The following PGCKA1 variants were observed in gnomAD, a reference collection of about 807,000 sequenced individuals.
PGCKA1 encodes PDCD10 and GCKIII kinases-associated protein 1.
At chr4:37,554,505 G>A in the PGCKA1 span, among the ~76,000 whole-genome samples, 9 of 152,106 alleles carry the variant, frequency 5.9e-5, no homozygotes, top group Middle Eastern at 3.4e-3. Flanking sequence ...GTGCCACCAC[G>A]CCTGGCTAAT....
chr4:37,544,270 G>T, the PGCKA1 span, among the ~76,000 whole-genome samples: 118 of 152,180 alleles, frequency 7.8e-4, 1 homozygote, highest in South Asian at 4.6e-3. Flanking sequence ...GAGGCTACTG[G>T]ATCTTTACTT....
At chr4:37,583,954 A>T in the PGCKA1 span, among the ~76,000 whole-genome samples, 50 of 152,350 alleles carry the variant, frequency 3.3e-4, no homozygotes, top group Admixed American at 9.1e-4. Context: ...GGCAAGGAAG[A>T]CAGCTGATAG....
At chr4:37,456,003 TAC>T in the PGCKA1 span, among the ~76,000 whole-genome samples, 1 of 152,378 alleles carries the variant, frequency 6.6e-6, no homozygotes, top group Admixed American at 6.5e-5. Flanking sequence ...TGGGATCTTT[TAC>T]AGTCTTGGTT....
the PGCKA1 span, among the ~76,000 whole-genome samples, chr4:37,567,944 G>A: frequency 6.6e-6 from 1 of 152,196 alleles, no homozygotes; most frequent in South Asian, 2.1e-4. Context: ...ATATGCTATC[G>A]TAAAGACTAC....
the PGCKA1 span, chr4:37,590,161 G>A: frequency 1.7e-3 from 2,821 of 1,614,174 alleles, 4 homozygotes; most frequent in Non-Finnish European, 2.1e-3. Flanking sequence ...GCTAGATGAA[G>A]ACGACACTGA....
the PGCKA1 span, among the ~76,000 whole-genome samples, chr4:37,483,403 G>C: frequency 3.3e-5 from 5 of 152,014 alleles, no homozygotes; most frequent in African/African-American, 9.7e-5. Flanking sequence ...CACCACCCTA[G>C]AGGCATAAAC....
chr4:37,519,150 C>T, the PGCKA1 span, among the ~76,000 whole-genome samples: 1 of 152,070 alleles, frequency 6.6e-6, no homozygotes, highest in Admixed American at 6.6e-5. Context: ...ATGCCAGTGT[C>T]ATGTTTTGGT....
chr4:37,494,503 A>G, the PGCKA1 span, among the ~76,000 whole-genome samples: 1 of 152,016 alleles, frequency 6.6e-6, no homozygotes, highest in South Asian at 2.1e-4. Flanking sequence ...ATATGTACCA[A>G]TTTTCTTTAT....
the PGCKA1 span, among the ~76,000 whole-genome samples, chr4:37,561,919 G>A: frequency 2.6e-5 from 4 of 152,142 alleles, no homozygotes; most frequent in Non-Finnish European, 5.9e-5. Flanking sequence ...TCTGAACAAA[G>A]CTTATCTAAC....
chr4:37,547,209 C>T, the PGCKA1 span, among the ~76,000 whole-genome samples: 1 of 152,312 alleles, frequency 6.6e-6, no homozygotes, highest in African/African-American at 2.4e-5. Flanking sequence ...GGAAGCATGG[C>T]CTGATCACCC....
At chr4:37,526,965 A>T in the PGCKA1 span, among the ~76,000 whole-genome samples, 16 of 152,194 alleles carry the variant, frequency 1.1e-4, no homozygotes, top group African/African-American at 3.9e-4. Context: ...CATGCATGTT[A>T]TTGAACCTGA....
At chr4:37,510,745 A>G in the PGCKA1 span, among the ~76,000 whole-genome samples, 9 of 151,878 alleles carry the variant, frequency 5.9e-5, no homozygotes, top group East Asian at 9.8e-4. Flanking sequence ...GGGCTCTACA[A>G]TCAACAGGTG....
the PGCKA1 span, among the ~76,000 whole-genome samples, chr4:37,497,822 C>G: frequency 2.0e-5 from 3 of 152,098 alleles, no homozygotes; most frequent in East Asian, 1.9e-4. Context: ...TTCTCCCACT[C>G]TGTGGGTTGT....
the PGCKA1 span, among the ~76,000 whole-genome samples, chr4:37,542,711 A>G: frequency 6.6e-6 from 1 of 152,172 alleles, no homozygotes; most frequent in African/African-American, 2.4e-5. Flanking sequence ...AGGTAGCCAT[A>G]TGTCGTTAGT....
At chr4:37,582,889 T>C in the PGCKA1 span, among the ~76,000 whole-genome samples, 1 of 152,342 alleles carries the variant, frequency 6.6e-6, no homozygotes, top group Admixed American at 6.5e-5. Flanking sequence ...CTACCATCCA[T>C]TGATACTTCT....
At chr4:37,478,622 T>C in the PGCKA1 span, among the ~76,000 whole-genome samples, 1 of 152,218 alleles carries the variant, frequency 6.6e-6, no homozygotes. Context: ...AAATGCTTAT[T>C]TACAATGTGC....
At chr4:37,557,523 G>A in the PGCKA1 span, among the ~76,000 whole-genome samples, 11 of 152,152 alleles carry the variant, frequency 7.2e-5, no homozygotes, top group South Asian at 2.1e-4. Context: ...ACCATCGTTC[G>A]CTATAACTTC....
At chr4:37,466,699 A>G in the PGCKA1 span, among the ~76,000 whole-genome samples, 1 of 152,200 alleles carries the variant, frequency 6.6e-6, no homozygotes, top group Non-Finnish European at 1.5e-5. Flanking sequence ...GGGATAGGAA[A>G]TGGGAAGTGA....
At chr4:37,574,810 G>A in the PGCKA1 span, among the ~76,000 whole-genome samples, 1 of 149,088 alleles carries the variant, frequency 6.7e-6, no homozygotes, top group Non-Finnish European at 1.5e-5. Context: ...TCTATCTCCT[G>A]AAGTTCAATT....
Sources: gnomAD v4.1 joint callset for allele counts (sites outside exome capture counted in the v4.1 genomes callset) on GRCh38, gnomAD v4.1.1 for gene constraint, MANE v1.5 for transcripts, NCBI Gene and HGNC (gene_info 2026-07-23, HGNC 2026-07-21) for gene names.